CELF2: variants seen among roughly 807,000 people sequenced by gnomAD.
CELF2 encodes CUG triplet repeat RNA-binding protein 2.
Under a neutral mutation model 62.6 loss-of-function variants are expected in CELF2, and 8 were observed. That is an observed-to-expected ratio of 0.13 (90% confidence interval 0.07 to 0.23). The LOEUF is 0.23. Among genes scored for constraint, CELF2 ranks in the 10% least tolerant of loss-of-function variants. The pLI is 1.00. For missense variants in CELF2, 333 were observed against 671.0 expected (o/e 0.50, Z 5.56); for synonymous variants, 258 against 250.0 (o/e 1.03, Z -0.30).
At chr10:11,129,182 A>G (rs2059217761) in intron 1 of CELF2, among the ~76,000 whole-genome samples, 1 of 152,176 alleles carries the variant, frequency 6.6e-6, no homozygotes, top group East Asian at 1.9e-4. Flanking sequence ...GATTACGTTC[A>G]TTGATTTGTG....
rs2083208212 is a variant in CELF2, at chr10:11,269,741, C to G, written c.619-925C>G. ...TGCAAAGGTGCTTTGGAAAGGAGGT[C>G]TTCGTGCTTGGGGTGTTAGGCCCTT... On this transcript the variant is annotated intron_variant, in intron 6 of 12. Coordinates refer to ENST00000633077, the MANE Select transcript of CELF2 (RefSeq NM_001326342.2). This position sits in a 1 kb window ranked among gnomAD's most constrained non-coding sequence, Gnocchi z 4.4. Among the ~76,000 whole-genome samples, 1 of 152,164 alleles carries G rather than the reference C, an allele frequency of 6.6e-6. No individual in the cohort carries two copies. The highest frequency in any genetic ancestry group is 6.6e-5 in the Admixed American group (1 of 15,264).
the CELF2 span, among the ~76,000 whole-genome samples, chr10:10,682,285 G>A: frequency 1.3e-5 from 2 of 152,218 alleles, no homozygotes; most frequent in Non-Finnish European, 2.9e-5. Context: ...AGGTCGGTGA[G>A]CACAATGAGA....
At chr10:11,042,807 G>C (rs1390196468) in intron 1 of CELF2, among the ~76,000 whole-genome samples, 1 of 152,078 alleles carries the variant, frequency 6.6e-6, no homozygotes, top group East Asian at 1.9e-4. Flanking sequence ...GGCCTCTTGT[G>C]TCTGGCTTTT....
chr10:10,525,678 G>A, the CELF2 span, among the ~76,000 whole-genome samples: 2 of 152,266 alleles, frequency 1.3e-5, no homozygotes, highest in South Asian at 2.1e-4. Context: ...CTTCTTTAAG[G>A]CTGAATAGTA....
intron 1 of CELF2, among the ~76,000 whole-genome samples, chr10:10,896,708 C>T (rs1389637469): frequency 6.6e-6 from 1 of 152,114 alleles, no homozygotes; most frequent in African/African-American, 2.4e-5. Context: ...GATGTTACTC[C>T]CTGGAATCTT....
the CELF2 span, among the ~76,000 whole-genome samples, chr10:10,642,988 A>T: frequency 2.0e-5 from 3 of 152,274 alleles, no homozygotes; most frequent in Non-Finnish European, 2.9e-5. Context: ...GGTAAACAGC[A>T]GTTGGGAGAG....
chr10:10,865,233 T>C (rs1480036501), intron 1 of CELF2, among the ~76,000 whole-genome samples: 2 of 152,186 alleles, frequency 1.3e-5, no homozygotes, highest in African/African-American at 2.4e-5. Flanking sequence ...AAGGAAACCA[T>C]CTAATGCCTA....
chr10:11,002,068 G>A (rs527680347), upstream of CELF2, among the ~76,000 whole-genome samples: 4 of 152,120 alleles, frequency 2.6e-5, no homozygotes, highest in Admixed American at 1.3e-4. The surrounding 1 kb of genome is among the most constrained non-coding windows in gnomAD (Gnocchi z 4.4). Context: ...CTGAGACTGG[G>A]TAATTTATAA....
At chr10:11,197,156 G>A (rs184530064) in intron 2 of CELF2, among the ~76,000 whole-genome samples, 1 of 152,148 alleles carries the variant, frequency 6.6e-6, no homozygotes, top group Admixed American at 6.5e-5. Flanking sequence ...GCAGGGTAGG[G>A]ATGAGCATCT....
the CELF2 span, among the ~76,000 whole-genome samples, chr10:10,545,906 G>A: frequency 5.2e-3 from 785 of 152,210 alleles, 3 homozygotes; most frequent in Non-Finnish European, 9.0e-3. Context: ...ATAAGGCCAC[G>A]TCTATGCTTA....
intron 1 of CELF2, among the ~76,000 whole-genome samples, chr10:11,072,108 CAG>C (rs1488984017): frequency 3.3e-5 from 5 of 152,136 alleles, no homozygotes; most frequent in Non-Finnish European, 7.3e-5. Context: ...CCAGGTGAAA[CAG>C]AGGAAAGTTG....
chr10:11,277,293 G>A (rs1176148452), intron 8 of CELF2, among the ~76,000 whole-genome samples: 4 of 152,220 alleles, frequency 2.6e-5, no homozygotes, highest in Non-Finnish European at 5.9e-5. Flanking sequence ...CTGTGCACAT[G>A]TTATGGAGTG....
the CELF2 span, among the ~76,000 whole-genome samples, chr10:10,713,721 T>A: frequency 3.9e-5 from 6 of 152,200 alleles, no homozygotes; most frequent in Non-Finnish European, 8.8e-5. Flanking sequence ...TGTAAATGAC[T>A]TGAACTAGCA....
the CELF2 span, among the ~76,000 whole-genome samples, chr10:10,583,841 T>C: frequency 6.6e-6 from 1 of 152,124 alleles, no homozygotes; most frequent in South Asian, 2.1e-4. Context: ...GATGAGGGTG[T>C]AACTGGGGCT....
chr10:10,486,893 A>G, the CELF2 span, among the ~76,000 whole-genome samples: 5 of 152,164 alleles, frequency 3.3e-5, no homozygotes. Flanking sequence ...AGGAAAGGCA[A>G]AAAGGGAGCA....
chr10:10,516,495 A>T, the CELF2 span, among the ~76,000 whole-genome samples: 3 of 152,142 alleles, frequency 2.0e-5, no homozygotes, highest in Non-Finnish European at 2.9e-5. Flanking sequence ...ACTGATTGCT[A>T]TGTGGTAAGG....
the CELF2 span, among the ~76,000 whole-genome samples, chr10:10,511,342 G>A: frequency 4.5e-3 from 691 of 152,246 alleles, 4 homozygotes; most frequent in African/African-American, 0.016. Context: ...AACCTGGCAG[G>A]TGGAGGTTGC....
At chr10:10,875,429 A>C (rs569968031) in intron 1 of CELF2, among the ~76,000 whole-genome samples, 68 of 152,288 alleles carry the variant, frequency 4.5e-4, no homozygotes, top group South Asian at 8.3e-4. Context: ...ATTTCTGCAG[A>C]GTTATTACAG....
chr10:10,541,540 T>C, the CELF2 span, among the ~76,000 whole-genome samples: 1 of 152,182 alleles, frequency 6.6e-6, no homozygotes, highest in Admixed American at 6.5e-5. Flanking sequence ...TCATAAGTTT[T>C]CCAGGAAAGG....
Sources: gnomAD v4.1 joint callset for allele counts (sites outside exome capture counted in the v4.1 genomes callset) on GRCh38, gnomAD v4.1.1 for gene constraint, Gnocchi (gnomAD v3.1) non-coding constraint, MANE v1.5 for transcripts, NCBI Gene and HGNC (gene_info 2026-07-23, HGNC 2026-07-21) for gene names.